Variants in SMARCAD1 observed in about 807,000 individuals in gnomAD.
SMARCAD1 encodes SNF2 related chromatin remodeling ATPase with DExD box 1.
A neutral mutation model predicts 127.1 loss-of-function variants in SMARCAD1; 25 were observed. That is an observed-to-expected ratio of 0.20 (90% confidence interval 0.14 to 0.27). SMARCAD1 has a LOEUF of 0.27. SMARCAD1 is among the 10% of genes least tolerant of loss of function. The probability of loss-of-function intolerance (pLI) is 1.00; values close to 1 mark genes in which losing one functional copy is unlikely to be tolerated. For synonymous variants in SMARCAD1, 400 were observed against 396.9 expected, an observed-to-expected ratio of 1.01 and a Z score of -0.09; for missense variants, 807 against 1,206.0, an observed-to-expected ratio of 0.67 and a Z score of 4.90.
At chr4:94,240,849 A>T in intron 5 of SMARCAD1, 57 bp from the exon 6 acceptor site, 1 of 1,320,358 alleles carries the variant, frequency 7.6e-7, no homozygotes, top group Non-Finnish European at 1.1e-6. Flanking sequence ...GTTTTACATT[A>T]AATTGATTTT....
intron 6 of SMARCAD1, among the ~76,000 whole-genome samples, chr4:94,243,852 A>G (rs1747990508): frequency 6.6e-6 from 1 of 152,230 alleles, no homozygotes. Context: ...CTCATTCAAC[A>G]TCTCAAACCT....
intron 2 of SMARCAD1, among the ~76,000 whole-genome samples, chr4:94,224,984 G>T (rs11097407): frequency 1.3e-5 from 2 of 152,000 alleles, no homozygotes; most frequent in African/African-American, 4.8e-5. Flanking sequence ...ACCAGGCACT[G>T]TGTTTACTTT....
chr4:94,264,954 A>T, intron 10 of SMARCAD1, 48 bp downstream of exon 10: 1 of 1,529,988 alleles, frequency 6.5e-7, no homozygotes, highest in Non-Finnish European at 9.0e-7. Context: ...CAATTATACA[A>T]AATATCTGAA....
intron 2 of SMARCAD1, among the ~76,000 whole-genome samples, chr4:94,210,297 T>G (rs1741994573): frequency 6.6e-6 from 1 of 152,226 alleles, no homozygotes; most frequent in African/African-American, 2.4e-5. Flanking sequence ...GAATTAATCC[T>G]TGTAGGAATG....
intron 2 of SMARCAD1, chr4:94,213,221 A>G (rs558957981): frequency 1.7e-6 from 1 of 578,938 alleles, no homozygotes; most frequent in Middle Eastern, 6.3e-4. Flanking sequence ...TACTAAGCAA[A>G]GTAGAATCAC....
At chr4:94,211,529 CGTTA>C (rs768684401) in intron 2 of SMARCAD1, among the ~76,000 whole-genome samples, 2 of 152,154 alleles carry the variant, frequency 1.3e-5, no homozygotes, top group Admixed American at 6.5e-5. Context: ...GATAATGCTG[CGTTA>C]GTTTATTTAC....
chr4:94,291,288 C>T lies in SMARCAD1; in HGVS notation c.*1754C>T. 2 of 444,212 alleles carry T rather than the reference C, an allele frequency of 4.5e-6. No individual in the cohort carries two copies. Among genetic ancestry groups the T allele is most frequent in the South Asian group, 1.6e-5 (1 of 61,344 alleles). 27.5% of individuals were successfully genotyped at this position (444,212 alleles called of 1,614,324 possible). The stretch of plus-strand genomic sequence containing the variant: ...TGGGCTTAATAAAAATATTTGTGAT[C>T]ATAAGTTGTATTTTCACACCCTTTT... On this transcript the variant is annotated 3_prime_UTR_variant, in exon 24 of 24. Transcript: ENST00000354268.
intron 2 of SMARCAD1, 27 bp from the exon 3 acceptor site, chr4:94,226,092 A>G (rs1452090966): frequency 1.4e-5 from 22 of 1,581,596 alleles, no homozygotes; most frequent in Non-Finnish European, 1.9e-5. Flanking sequence ...TGCTCAAAAT[A>G]TTTTTCTCCT....
intron 2 of SMARCAD1, chr4:94,213,182 G>A (rs908011254): frequency 1.1e-5 from 12 of 1,134,474 alleles, no homozygotes; most frequent in Non-Finnish European, 1.3e-5. Context: ...AAATAGTATG[G>A]TGTGATAAAA....
Position 94,290,626 on chromosome 4 carries a change from G to GT in SMARCAD1, c.*1093dup, listed in dbSNP as rs1358449369. 1 of 454,278 alleles carries GT rather than the reference G, an allele frequency of 2.2e-6. No homozygotes were observed. Among genetic ancestry groups the GT allele is most frequent in the Non-Finnish European group, 4.4e-6 (1 of 226,688 alleles). The allele number at this position is 454,278 out of a possible 1,614,324, so 28.1% of individuals were successfully genotyped here. A position where few individuals can be genotyped will look rare whatever the true frequency, so the allele number is the denominator to read the frequency against. ...ATTGTTCAATTCCAATTCAGTGTGA[G>GT]TGACAAAGTGAAATTTAGAAGTGAA... On this transcript the variant is annotated 3_prime_UTR_variant, in exon 24 of 24. Coordinates refer to ENST00000354268, the MANE Select transcript of SMARCAD1 (RefSeq NM_020159.5).
At chr4:94,270,623 G>GTT (rs930697947) in intron 10 of SMARCAD1, 105 bp from the exon 11 acceptor site, 18 of 898,108 alleles carry the variant, frequency 2.0e-5, no homozygotes, top group Admixed American at 7.3e-5. Flanking sequence ...CAGTTAAAAG[G>GTT]TAAGATTAGA....
At chr4:94,244,123 AT>A (rs1301660889) in intron 6 of SMARCAD1, among the ~76,000 whole-genome samples, 1 of 152,240 alleles carries the variant, frequency 6.6e-6, no homozygotes, top group Non-Finnish European at 1.5e-5. Flanking sequence ...AAAAAGAAAG[AT>A]TGTCAAATAT....
intron 9 of SMARCAD1, among the ~76,000 whole-genome samples, chr4:94,259,115 A>G (rs944105790): frequency 2.6e-5 from 4 of 152,172 alleles, no homozygotes; most frequent in Non-Finnish European, 4.4e-5. Context: ...GTTCATTCCA[A>G]TGGGATGTGA....
chr4:94,273,735 A>C lies in SMARCAD1; in HGVS notation c.1672+19A>C. On this transcript the variant is annotated intron_variant, in intron 12 of 23. Transcript: ENST00000354268. ...ACTATAGGTTTGTAATACTGGAGAC[A>C]ACTGTATTTAACTTTATCATGTTTT... 1.9e-6 allele frequency: 3 copies of C among 1,553,568 alleles called. No homozygotes were observed. The highest frequency in any genetic ancestry group is 2.7e-6 in the Non-Finnish European group (3 of 1,125,726).
intron 2 of SMARCAD1, among the ~76,000 whole-genome samples, chr4:94,217,666 T>G (rs1743411841): frequency 6.6e-6 from 1 of 152,218 alleles, no homozygotes; most frequent in Non-Finnish European, 1.5e-5. Flanking sequence ...ATATTTAATT[T>G]CTGTAAAAAT....
intron 10 of SMARCAD1, 57 bp from the exon 11 acceptor site, chr4:94,270,671 A>C: frequency 6.9e-7 from 1 of 1,459,764 alleles, no homozygotes; most frequent in African/African-American, 1.4e-5. Flanking sequence ...TGTAATAACT[A>C]ATAGAAAACT....
chr4:94,256,576 T>C (rs529379475), intron 9 of SMARCAD1, among the ~76,000 whole-genome samples: 1 of 152,270 alleles, frequency 6.6e-6, no homozygotes, highest in East Asian at 1.9e-4. Flanking sequence ...TTGGCCAGGC[T>C]GGGCTGGAAC....
Position 94,208,480 on chromosome 4 carries a change from A to C in SMARCAD1, c.86A>C (p.Gln29Pro). The C allele has an allele frequency of 6.2e-7, 1 of 1,614,166 alleles. No individual in the cohort carries two copies. Among genetic ancestry groups the C allele is most frequent in the South Asian group, 1.1e-5 (1 of 91,074 alleles). ...CCCGAAGCAACCCCTCAACCTTCCC[A>C]GCCTGGCCCTTCTTCACCAATTTCT... is the stretch of plus-strand genomic sequence containing the variant. ...EAPEATPQPS[Q>P]PGPSSPISLS... The change falls in exon 2 of 24, where the codon CAG (glutamine) becomes CCG (proline). Residue 29 changes from glutamine (Q) to proline (P), a missense_variant. By Grantham distance (76) the Gln-to-Pro change is moderately conservative (BLOSUM62 -1). Coordinates refer to ENST00000354268, the MANE Select transcript of SMARCAD1 (RefSeq NM_020159.5).
intron 6 of SMARCAD1, among the ~76,000 whole-genome samples, chr4:94,241,732 C>G (rs562145605): frequency 6.6e-6 from 1 of 152,130 alleles, no homozygotes. Context: ...AATGGGAACT[C>G]GTTGGCCTCT....
Sources: gnomAD v4.1 joint callset for allele counts (sites outside exome capture counted in the v4.1 genomes callset) on GRCh38, gnomAD v4.1.1 for gene constraint, MANE v1.5 for transcripts, NCBI Gene and HGNC (gene_info 2026-07-23, HGNC 2026-07-21) for gene names.